Variants in SLC39A11 observed in about 807,000 individuals in gnomAD.
SLC39A11 encodes solute carrier family 39 member 11.
Under a neutral mutation model 36.1 loss-of-function variants are expected in SLC39A11, and 33 were observed. The observed-to-expected ratio is 0.91, with a 90% CI of 0.69 to 1.22. The LOEUF (loss-of-function observed/expected upper bound fraction) is 1.22, where lower values mean the gene tolerates loss of function less well. Among genes scored for constraint, SLC39A11 ranks in the 50% most tolerant of loss-of-function variants. The pLI, the probability that SLC39A11 is intolerant of heterozygous loss-of-function variation, is 0.00. For synonymous variants in SLC39A11, 166 were observed against 170.3 expected (o/e 0.97, Z 0.20); for missense variants, 432 against 430.3 (o/e 1.00, Z -0.03).
chr17:72,753,611 T>C (rs1426670663), intron 6 of SLC39A11, among the ~76,000 whole-genome samples: 3 of 152,148 alleles, frequency 2.0e-5, no homozygotes, highest in Admixed American at 6.5e-5. Context: ...CCAGAGTAGG[T>C]TGTCCTACTT....
intron 6 of SLC39A11, among the ~76,000 whole-genome samples, chr17:72,776,859 C>T (rs1437433891): frequency 1.3e-5 from 2 of 152,184 alleles, no homozygotes; most frequent in African/African-American, 4.8e-5. Context: ...TAAATCGAAT[C>T]CCCACCCCTC....
At chr17:72,802,912 G>T (rs185373071) in intron 6 of SLC39A11, among the ~76,000 whole-genome samples, 1 of 152,186 alleles carries the variant, frequency 6.6e-6, no homozygotes, top group Non-Finnish European at 1.5e-5. Flanking sequence ...CCACCTTCAG[G>T]CTGGAAACGT....
At chr17:72,976,027 G>C (rs58953747) in intron 4 of SLC39A11, among the ~76,000 whole-genome samples, 7 of 151,384 alleles carry the variant, frequency 4.6e-5, no homozygotes, top group Admixed American at 2.0e-4. Context: ...AAAATTAGCC[G>C]GGCGTGGTGG....
intron 4 of SLC39A11, among the ~76,000 whole-genome samples, chr17:73,011,944 G>C (rs986409123): frequency 6.6e-6 from 1 of 151,182 alleles, no homozygotes; most frequent in South Asian, 2.1e-4. Flanking sequence ...TTACAGGTGT[G>C]AGCCACTGCC....
intron 7 of SLC39A11, among the ~76,000 whole-genome samples, chr17:72,656,898 C>A (rs1403390239): frequency 6.6e-6 from 1 of 151,664 alleles, no homozygotes; most frequent in Non-Finnish European, 1.5e-5. Flanking sequence ...AATCCCGGCA[C>A]TTTGGGAGGC....
intron 6 of SLC39A11, among the ~76,000 whole-genome samples, chr17:72,809,972 G>A (rs2077381711): frequency 6.6e-6 from 1 of 151,790 alleles, no homozygotes; most frequent in South Asian, 2.1e-4. Flanking sequence ...GCTGAGGCAG[G>A]AGAATTGCTT....
At chr17:73,029,575 G>A (rs962891217) in intron 4 of SLC39A11, among the ~76,000 whole-genome samples, 4 of 151,748 alleles carry the variant, frequency 2.6e-5, no homozygotes, top group African/African-American at 4.8e-5. Context: ...AGACAGACAC[G>A]GCCACTCAAT....
intron 7 of SLC39A11, among the ~76,000 whole-genome samples, chr17:72,660,533 A>G (rs2070362776): frequency 6.6e-6 from 1 of 152,186 alleles, no homozygotes; most frequent in African/African-American, 2.4e-5. Flanking sequence ...CTGTGTACAC[A>G]TACCGGGTTT....
intron 4 of SLC39A11, among the ~76,000 whole-genome samples, chr17:72,988,279 C>G (rs1324426087): frequency 6.6e-6 from 1 of 152,168 alleles, no homozygotes; most frequent in Non-Finnish European, 1.5e-5. Flanking sequence ...ATGGTGAAAT[C>G]CCGTCTCTGC....
At chr17:72,748,277 G>A (rs955168300) in intron 6 of SLC39A11, among the ~76,000 whole-genome samples, 5 of 150,658 alleles carry the variant, frequency 3.3e-5, no homozygotes, top group South Asian at 2.1e-4. Flanking sequence ...AGCCGAGATC[G>A]CGCCATTGCC....
chr17:72,858,905 T>C (rs936151825), intron 5 of SLC39A11, among the ~76,000 whole-genome samples: 2 of 152,236 alleles, frequency 1.3e-5, no homozygotes, highest in Non-Finnish European at 2.9e-5. Context: ...GCCAAGACTA[T>C]ACAGTTTTCT....
chr17:73,031,739 A>C, intron 3 of SLC39A11, 25 bp from the exon 4 acceptor site: 1 of 1,611,060 alleles, frequency 6.2e-7, no homozygotes, highest in East Asian at 2.2e-5. Flanking sequence ...ACGAGAGATA[A>C]ACGTTAAAGC....
At chr17:72,941,458 G>A (rs2085093719) in intron 5 of SLC39A11, among the ~76,000 whole-genome samples, 1 of 152,114 alleles carries the variant, frequency 6.6e-6, no homozygotes, top group African/African-American at 2.4e-5. Flanking sequence ...TGCTACAGCA[G>A]CCCTAGCAAA....
At chr17:72,939,132 C>T (rs949220216) in intron 5 of SLC39A11, among the ~76,000 whole-genome samples, 6 of 152,100 alleles carry the variant, frequency 3.9e-5, no homozygotes, top group Non-Finnish European at 7.4e-5. Flanking sequence ...TACTGTCCCC[C>T]GCCAAAATTC....
intron 4 of SLC39A11, among the ~76,000 whole-genome samples, chr17:72,950,807 C>G (rs2085804851): frequency 6.6e-6 from 1 of 152,094 alleles, no homozygotes. Context: ...CATTTGTTTT[C>G]AATTATGTGA....
chr17:72,823,860 T>C (rs770952871), intron 6 of SLC39A11: 5 of 151,414 alleles, frequency 3.3e-5, no homozygotes, highest in Non-Finnish European at 5.9e-5. Flanking sequence ...AATACAGTGC[T>C]GTTTCTTGCA....
intron 5 of SLC39A11, among the ~76,000 whole-genome samples, chr17:72,943,011 C>T (rs768075576): frequency 4.7e-4 from 71 of 152,116 alleles, no homozygotes; most frequent in Non-Finnish European, 8.1e-4. Flanking sequence ...AAATCTTTTT[C>T]CAAAGGCACC....
At chr17:72,739,504 G>A (rs1368499874) in intron 6 of SLC39A11, among the ~76,000 whole-genome samples, 1 of 152,178 alleles carries the variant, frequency 6.6e-6, no homozygotes, top group Non-Finnish European at 1.5e-5. Flanking sequence ...TCAGGACACG[G>A]AGTCCTAGGA....
chr17:72,724,517 A>G (rs1598456340), intron 7 of SLC39A11, among the ~76,000 whole-genome samples: 1 of 152,204 alleles, frequency 6.6e-6, no homozygotes, highest in East Asian at 1.9e-4. Flanking sequence ...GACATCCTGG[A>G]TGTTCCCTCC....
Sources: gnomAD v4.1 joint callset for allele counts (sites outside exome capture counted in the v4.1 genomes callset) on GRCh38, gnomAD v4.1.1 for gene constraint, MANE v1.5 for transcripts, NCBI Gene and HGNC (gene_info 2026-07-23, HGNC 2026-07-21) for gene names.